The following ERCC4 variants were observed in gnomAD, a reference collection of about 807,000 sequenced individuals.
ERCC4 encodes DNA repair endonuclease XPF.
A neutral mutation model predicts 76.9 loss-of-function variants in ERCC4; 65 were observed. That is an observed-to-expected ratio of 0.84 (90% CI 0.69 to 1.04). The LOEUF (loss-of-function observed/expected upper bound fraction) is 1.04, where lower values mean the gene tolerates loss of function less well. ERCC4 is among the 50% of genes least tolerant of loss of function. ERCC4 has a pLI of 0.00. For missense variants in ERCC4, 1,214 were observed against 1,128.2 expected (o/e 1.08, Z -1.09); for synonymous variants, 463 against 410.1 (o/e 1.13, Z -1.56).
chr16:13,938,426 A>G (rs893155954), intron 9 of ERCC4, among the ~76,000 whole-genome samples: 4 of 152,196 alleles, frequency 2.6e-5, no homozygotes, highest in African/African-American at 7.2e-5. Context: ...ATGCCCTTCC[A>G]TTTTACGAAA....
chr16:13,948,191 C>A lies in ERCC4; in HGVS notation c.2595C>A (p.Ser865=). The change falls in exon 11 of 11, where the codon TCC becomes TCA. Residue 865 remains serine (S), a synonymous_variant. Transcript: ENST00000311895. ...MPGVNAKNCR[S]LMHHVKNIAE... is the part of the protein sequence containing the mutation. ...GGGTGAATGCCAAAAACTGCCGCTCCTTGATGCACCACGTTAAGAACATCG... is the reference window on the plus strand; with the variant it reads ...GGGTGAATGCCAAAAACTGCCGCTCATTGATGCACCACGTTAAGAACATCG... The A allele has an allele frequency of 6.2e-7, 1 of 1,614,176 alleles. No individual in the cohort carries two copies. The highest frequency in any genetic ancestry group is 8.5e-7 in the Non-Finnish European group (1 of 1,180,042).
rs146325817 is a variant in ERCC4 at position 13,951,163 on chromosome 16, A to T, written c.*2816A>T. The T allele has an allele frequency of 4.8e-3, 888 of 184,292 alleles. 5 individuals are homozygous for T. Among genetic ancestry groups the T allele is most frequent in the African/African-American group, 9.8e-3 (418 of 42,708 alleles). 11.4% of individuals were successfully genotyped at this position (184,292 alleles called of 1,614,324 possible). A position where few individuals can be genotyped will look rare whatever the true frequency, so the allele number is the denominator to read the frequency against. On this transcript the variant is annotated 3_prime_UTR_variant, in exon 11 of 11. Coordinates refer to ENST00000311895, the MANE Select transcript of ERCC4 (RefSeq NM_005236.3). Reference sequence around the variant, plus strand: ...AGTGTTTACTTAGATTTTTATAAAAATTTTTTTTACAATCTAATAATCTTT... The same window carrying T: ...AGTGTTTACTTAGATTTTTATAAAATTTTTTTTTACAATCTAATAATCTTT...
chr16:13,928,356 C>T (rs2141946443), intron 4 of ERCC4, 121 bp downstream of exon 4: 2 of 705,180 alleles, frequency 2.8e-6, no homozygotes, highest in South Asian at 1.7e-5. Flanking sequence ...AATTGGAGGT[C>T]ACTTAAAAAC....
chr16:13,951,373 TA>T lies in ERCC4; in HGVS notation c.*3031del, dbSNP rs1268770244. The T allele has an allele frequency of 1.5e-5, 3 of 198,502 alleles. No individual in the cohort carries two copies. Among genetic ancestry groups the T allele is most frequent in the Non-Finnish European group, 3.1e-5 (3 of 95,998 alleles). The allele number at this position is 198,502 out of a possible 1,614,324, so 12.3% of individuals were successfully genotyped here. ...TTTTCTATTTTACAAGTTTTTTGTA[TA>T]AAAAGGTGAACATATGAGATATTGT... On this transcript the variant is annotated 3_prime_UTR_variant, in exon 11 of 11. Transcript: ENST00000311895.
chr16:13,924,406 A>G (rs1477239930), intron 2 of ERCC4, among the ~76,000 whole-genome samples: 1 of 152,274 alleles, frequency 6.6e-6, no homozygotes, highest in East Asian at 1.9e-4. Flanking sequence ...AACTAAGAAC[A>G]CACTTTCTGG....
intron 9 of ERCC4, among the ~76,000 whole-genome samples, chr16:13,939,933 C>T (rs1437398673): frequency 6.6e-6 from 1 of 152,120 alleles, no homozygotes; most frequent in African/African-American, 2.4e-5. Flanking sequence ...ATAATTGTCA[C>T]CTAGATAGAA....
Position 13,936,938 on chromosome 16 carries a change from G to A in ERCC4, c.1812-828G>A, listed in dbSNP as rs368478744. On this transcript the variant is annotated intron_variant, in intron 8 of 10. Transcript: ENST00000311895. Reference sequence around the variant, plus strand: ...TTTTTTTTTTTTTCTTTGAGGCAGTGTCTTGCCCAGATGCCCAGACTGGAG... The same window carrying A: ...TTTTTTTTTTTTTCTTTGAGGCAGTATCTTGCCCAGATGCCCAGACTGGAG... Among the ~76,000 whole-genome samples the A allele has an allele frequency of 2.8e-5, 4 of 140,640 alleles. No individual in the cohort carries two copies. The South Asian group carries it at 6.9e-4, about 24-fold the overall frequency. 92.3% of individuals were successfully genotyped at this position (140,640 alleles called of 152,430 possible).
At chr16:13,923,919 C>T (rs1263490235) in intron 2 of ERCC4, among the ~76,000 whole-genome samples, 1 of 152,096 alleles carries the variant, frequency 6.6e-6, no homozygotes, top group Non-Finnish European at 1.5e-5. Flanking sequence ...TATCCTGTGA[C>T]TTTCAGTTAC....
rs772728961 is a variant in ERCC4 at position 13,947,697 on chromosome 16, C to T, written c.2101C>T (p.Arg701Cys). ...FRSELPSLIH[R>C]RGIDIEPVTL... ...AAGTGAGCTTCCATCTCTGATCCAT[C>T]GTCGGGGCATTGACATTGAACCCGT... The change falls in exon 11 of 11, where the codon CGT (arginine) becomes TGT (cysteine). Residue 701 changes from arginine to cysteine, a missense_variant. Arg to Cys is a radical substitution (Grantham distance 180, BLOSUM62 -3). Transcript: ENST00000311895. The T allele has an allele frequency of 2.5e-6, 4 of 1,614,094 alleles. No homozygotes were observed. Among genetic ancestry groups the T allele is most frequent in the Non-Finnish European group, 3.4e-6 (4 of 1,180,040 alleles).
chr16:13,924,562 C>T (rs982245651), intron 2 of ERCC4, among the ~76,000 whole-genome samples: 9 of 152,146 alleles, frequency 5.9e-5, no homozygotes, highest in African/African-American at 2.2e-4. Flanking sequence ...ATGAATGGGA[C>T]AGTATGGTGA....
Position 13,950,417 on chromosome 16 carries a change from ACT to A in ERCC4, c.*2073_*2074del. 1 of 187,194 alleles carries A rather than the reference ACT, an allele frequency of 5.3e-6. No homozygotes were observed. The highest frequency in any genetic ancestry group is 2.0e-4 in the South Asian group (1 of 5,112). 11.6% of individuals were successfully genotyped at this position (187,194 alleles called of 1,614,324 possible). On this transcript the variant is annotated 3_prime_UTR_variant, in exon 11 of 11. Coordinates refer to ENST00000311895, the MANE Select transcript of ERCC4 (RefSeq NM_005236.3). ...CAAGAACCAGATTGGTTACAGTAGA[ACT>A]CTGTAAGATGATGTGGAGAGTAAGG...
rs1352441116 is a variant in ERCC4 at position 13,948,047 on chromosome 16, A to G, written c.2451A>G (p.Lys817=). The change falls in exon 11 of 11, where the codon AAA becomes AAG. Residue 817 remains lysine (K), a synonymous_variant. Transcript: ENST00000311895. ...HATAELFEEL[K]QSKPQPDAAT... is the part of the protein sequence containing the mutation. Reference sequence around the variant, plus strand: ...CGGCGGAGTTGTTTGAGGAGCTGAAACAAAGCAAGCCACAGCCTGATGCGG... The same window carrying G: ...CGGCGGAGTTGTTTGAGGAGCTGAAGCAAAGCAAGCCACAGCCTGATGCGG... 3 of 1,614,112 alleles carry G rather than the reference A, an allele frequency of 1.9e-6. No individual in the cohort carries two copies. The highest frequency in any genetic ancestry group is 2.5e-6 in the Non-Finnish European group (3 of 1,180,024).
chr16:13,935,302 A>G lies in ERCC4; in HGVS notation c.1370A>G (p.Asp457Gly), dbSNP rs775102285. 9.3e-6 allele frequency: 15 copies of G among 1,613,982 alleles called. No individual in the cohort carries two copies. In the South Asian group the frequency reaches 1.6e-4, roughly 18 times the overall value. The change falls in exon 8 of 11, where the codon GAC (aspartate) becomes GGC (glycine). Residue 457 changes from aspartate to glycine, a missense_variant. By Grantham distance (94) the Asp-to-Gly change is moderately conservative. Coordinates refer to ENST00000311895, the MANE Select transcript of ERCC4 (RefSeq NM_005236.3). ...GTCTGGATGAAATTTAGGAAGGAAG[A>G]CAGTTCAAAGAGAATTAGGAAATCT... ...EEVWMKFRKE[D>G]SSKRIRKSHK...
intron 9 of ERCC4, among the ~76,000 whole-genome samples, chr16:13,942,329 C>A (rs542133474): frequency 6.6e-6 from 1 of 152,110 alleles, no homozygotes; most frequent in African/African-American, 2.4e-5. Context: ...TATATTTTTT[C>A]TCACATTCGA....
At chr16:13,941,620 A>C (rs184988533) in intron 9 of ERCC4, among the ~76,000 whole-genome samples, 236 of 152,312 alleles carry the variant, frequency 1.5e-3, no homozygotes, top group Non-Finnish European at 2.4e-3. Flanking sequence ...AGATCTGTAG[A>C]TTATAGATAA....
intron 1 of ERCC4, among the ~76,000 whole-genome samples, chr16:13,921,465 A>T (rs778812211): frequency 2.6e-5 from 4 of 152,176 alleles, no homozygotes; most frequent in Non-Finnish European, 5.9e-5. Context: ...CTTTGAGGGC[A>T]GGGATCCTGT....
rs180913665 is a variant in ERCC4, at chr16:13,947,139, T to A, written c.2018-475T>A. ...GAGAAGCTGTGGTCTAAGATGTTCA[T>A]GTTTTTCCCAGCTCCTTCCCTTTCC... On this transcript the variant is annotated intron_variant, in intron 10 of 10. Coordinates refer to ENST00000311895, the MANE Select transcript of ERCC4 (RefSeq NM_005236.3). Among the ~76,000 whole-genome samples the A allele has an allele frequency of 5.3e-5, 8 of 152,340 alleles. No homozygotes were observed. In the East Asian group the frequency reaches 1.5e-3, roughly 29 times the overall value.
rs2276464 is a variant in ERCC4 at position 13,949,073 on chromosome 16, G to A, written c.*726G>A. 8.6e-6 allele frequency: 2 copies of A among 232,608 alleles called. No individual in the cohort carries two copies. Among genetic ancestry groups the A allele is most frequent in the African/African-American group, 4.4e-5 (2 of 45,250 alleles). The allele number at this position is 232,608 out of a possible 1,614,324, so 14.4% of individuals were successfully genotyped here. A position where few individuals can be genotyped will look rare whatever the true frequency, so the allele number is the denominator to read the frequency against. ...AGTCTCCTCAAAAACTGGTTGACTA[G>A]TCTTCTAATGACCCTAACATATGTA... On this transcript the variant is annotated 3_prime_UTR_variant, in exon 11 of 11. Coordinates refer to ENST00000311895, the MANE Select transcript of ERCC4 (RefSeq NM_005236.3).
At chr16:13,942,316 G>A (rs2032426540) in intron 9 of ERCC4, among the ~76,000 whole-genome samples, 1 of 152,136 alleles carries the variant, frequency 6.6e-6, no homozygotes. Context: ...GTTTCATCTC[G>A]AATATATTTT....
Sources: allele counts gnomAD v4.1 joint callset (sites outside exome capture counted in the v4.1 genomes callset), GRCh38; gene constraint gnomAD v4.1.1; transcripts MANE v1.5; gene names NCBI Gene and HGNC (gene_info 2026-07-23, HGNC 2026-07-21).